The following TENM3 variants were observed in gnomAD, a reference collection of about 807,000 sequenced individuals.
TENM3 encodes teneurin-3.
Under a neutral mutation model 255.1 loss-of-function variants are expected in TENM3, and 63 were observed. That is an observed-to-expected ratio of 0.25 (90% CI 0.20 to 0.30). TENM3 has a LOEUF of 0.30. Among genes scored for constraint, TENM3 ranks in the 10% least tolerant of loss-of-function variants. The probability of loss-of-function intolerance (pLI) is 1.00; values close to 1 mark genes in which losing one functional copy is unlikely to be tolerated. For missense variants in TENM3, 2,929 were observed against 3,461.1 expected (o/e 0.85, Z 3.86); for synonymous variants, 1,306 against 1,322.3 (o/e 0.99, Z 0.27).
At chr4:182,720,407 G>T (rs1759622098) in intron 13 of TENM3, among the ~76,000 whole-genome samples, 1 of 152,038 alleles carries the variant, frequency 6.6e-6, no homozygotes, top group Non-Finnish European at 1.5e-5. Context: ...TTCCCAAAAT[G>T]AATCCAGATA....
the TENM3 span, among the ~76,000 whole-genome samples, chr4:181,598,812 G>C: frequency 1.3e-5 from 2 of 151,950 alleles, no homozygotes; most frequent in Non-Finnish European, 2.9e-5. Flanking sequence ...TTAATTCAAG[G>C]AACAATTTGC....
At chr4:182,625,065 T>C (rs1331899989) in intron 4 of TENM3, among the ~76,000 whole-genome samples, 1 of 152,206 alleles carries the variant, frequency 6.6e-6, no homozygotes, top group African/African-American at 2.4e-5. Context: ...AAAATTGTAA[T>C]GAAACAACAA....
At chr4:181,484,728 T>A in the TENM3 span, among the ~76,000 whole-genome samples, 1 of 152,130 alleles carries the variant, frequency 6.6e-6, no homozygotes, top group Non-Finnish European at 1.5e-5. Context: ...AGATCAGAAC[T>A]AATTTTTTTT....
chr4:182,204,654 C>T (rs1236166458), intron 1 of TENM3, among the ~76,000 whole-genome samples: 1 of 152,146 alleles, frequency 6.6e-6, no homozygotes, highest in East Asian at 1.9e-4. Context: ...ATTTCCTTTC[C>T]TGACCATTAT....
chr4:182,160,043 C>G (rs1312491278), intron 1 of TENM3, among the ~76,000 whole-genome samples: 1 of 145,086 alleles, frequency 6.9e-6, no homozygotes, highest in Non-Finnish European at 1.6e-5. Context: ...CGCTCTGTCG[C>G]CCAGGCTGGA....
the TENM3 span, among the ~76,000 whole-genome samples, chr4:181,747,408 A>G: frequency 1.3e-5 from 2 of 152,246 alleles, no homozygotes; most frequent in East Asian, 3.9e-4. Context: ...GAAATAATAC[A>G]GACAGATCCC....
the TENM3 span, among the ~76,000 whole-genome samples, chr4:181,838,562 A>G: frequency 6.6e-6 from 1 of 152,154 alleles, no homozygotes; most frequent in Non-Finnish European, 1.5e-5. Context: ...CTGGAGTTTT[A>G]TTGACAGGAA....
chr4:181,983,481 T>A, the TENM3 span, among the ~76,000 whole-genome samples: 1 of 152,160 alleles, frequency 6.6e-6, no homozygotes, highest in Non-Finnish European at 1.5e-5. Context: ...ACAATCAACA[T>A]CTTCTGTCTC....
chr4:182,095,244 A>G, the TENM3 span, among the ~76,000 whole-genome samples: 1 of 152,230 alleles, frequency 6.6e-6, no homozygotes, highest in Non-Finnish European at 1.5e-5. Flanking sequence ...AATGCAGTAC[A>G]ATTCACAATG....
At position 182,753,350 on chromosome 4, in the gene TENM3, G is replaced by A. The variant is rs1366425262; in HGVS notation, c.3863-100G>A. On this transcript the variant is annotated intron_variant, in intron 20 of 27. Transcript: ENST00000511685. Reference sequence around the variant, plus strand: ...CTACCTGCTACCTGTCACCCGTGTTGTCACTGGGGTTAAATAACTGAGTTT... The same window carrying A: ...CTACCTGCTACCTGTCACCCGTGTTATCACTGGGGTTAAATAACTGAGTTT... 7.1e-6 allele frequency: 7 copies of A among 987,288 alleles called. No homozygotes were observed. In the African/African-American group the frequency reaches 9.6e-5, roughly 14 times the overall value. 61.2% of individuals were successfully genotyped at this position (987,288 alleles called of 1,614,324 possible).
At chr4:182,683,716 G>C (rs921024017) in intron 11 of TENM3, among the ~76,000 whole-genome samples, 2 of 152,158 alleles carry the variant, frequency 1.3e-5, no homozygotes, top group African/African-American at 4.8e-5. Flanking sequence ...CTAAGACAAT[G>C]AGAGTATTGT....
the TENM3 span, among the ~76,000 whole-genome samples, chr4:181,785,213 A>T: frequency 6.6e-6 from 1 of 152,170 alleles, no homozygotes; most frequent in Non-Finnish European, 1.5e-5. Flanking sequence ...GAATAAGTAG[A>T]TGCATAGATA....
chr4:182,709,558 C>T (rs901288169), intron 12 of TENM3, among the ~76,000 whole-genome samples: 10 of 151,736 alleles, frequency 6.6e-5, no homozygotes, highest in African/African-American at 2.4e-4. Context: ...TTTTTTATTT[C>T]CTATTGTGGT....
chr4:182,773,609 A>G lies in TENM3; in HGVS notation c.5030A>G (p.Asn1677Ser), dbSNP rs200104635. Residue 1677 changes from asparagine to serine, a missense_variant, in exon 23 of 28, where the codon AAT becomes AGT. Physicochemically the swap from Asn to Ser is conservative, Grantham distance 46 (BLOSUM62 1). Around this residue, in one of 6 missense-constraint regions of TENM3, gnomAD observed 1,608 missense variants for 1,884.4 expected, o/e 0.85. Coordinates refer to ENST00000511685, the MANE Select transcript of TENM3 (RefSeq NM_001080477.4). ...SREEDVSITS[N>S]LSSIDSFYTM... is the part of the protein sequence containing the mutation. ...GAAGAAGATGTCAGCATCACTTCAA[A>G]TCTGTCCTCGATCGATTCTTTCTAC... The G allele has an allele frequency of 6.2e-7, 1 of 1,613,766 alleles. No individual in the cohort carries two copies. The highest frequency in any genetic ancestry group is 8.5e-7 in the Non-Finnish European group (1 of 1,179,806).
At chr4:181,979,099 T>C in the TENM3 span, among the ~76,000 whole-genome samples, 3 of 1,214 alleles carry the variant, frequency 2.5e-3, no homozygotes, top group African/African-American at 2.6e-3. Flanking sequence ...AAGCCTGACA[T>C]ATATATATAT....
the TENM3 span, among the ~76,000 whole-genome samples, chr4:182,090,428 C>G: frequency 6.6e-6 from 1 of 152,100 alleles, no homozygotes; most frequent in Admixed American, 6.6e-5. Flanking sequence ...AGCAGCCCCT[C>G]CAACTGAATA....
chr4:181,484,157 A>G, the TENM3 span, among the ~76,000 whole-genome samples: 5 of 152,178 alleles, frequency 3.3e-5, no homozygotes, highest in African/African-American at 1.2e-4. Context: ...ATAACCTGAT[A>G]ACCTGATTTC....
chr4:182,589,625 C>G (rs1746394055), intron 3 of TENM3, among the ~76,000 whole-genome samples: 1 of 151,990 alleles, frequency 6.6e-6, no homozygotes, highest in Admixed American at 6.6e-5. Context: ...TCACTGAAAG[C>G]AAGGTTCGGT....
the TENM3 span, among the ~76,000 whole-genome samples, chr4:181,910,516 C>T: frequency 6.2e-3 from 883 of 141,828 alleles, 8 homozygotes; most frequent in African/African-American, 0.022. Flanking sequence ...CCAGCCTGAG[C>T]GATAGAGCAA....
Sources: gnomAD v4.1 joint callset for allele counts (sites outside exome capture counted in the v4.1 genomes callset) on GRCh38, gnomAD v4.1.1 for gene constraint, gnomAD v4.1.1 regional missense constraint, MANE v1.5 for transcripts, NCBI Gene and HGNC (gene_info 2026-07-23, HGNC 2026-07-21) for gene names.